TXNRD2: variants seen among roughly 807,000 people sequenced by gnomAD.
The protein encoded by TXNRD2 is thioredoxin reductase 2.
In TXNRD2, 67 loss-of-function variants were observed where a neutral mutation model predicts 70.8. The observed-to-expected ratio is 0.95, with a 90% CI of 0.78 to 1.16. The LOEUF (loss-of-function observed/expected upper bound fraction) is 1.16, where lower values mean the gene tolerates loss of function less well. TXNRD2 is among the 50% of genes most tolerant of loss of function. The pLI, the probability that TXNRD2 is intolerant of heterozygous loss-of-function variation, is 0.00. For missense variants in TXNRD2, 644 were observed against 719.9 expected (o/e 0.89, Z 1.21); for synonymous variants, 301 against 295.8 (o/e 1.02, Z -0.18).
intron 11 of TXNRD2, among the ~76,000 whole-genome samples, chr22:19,888,788 C>A (rs1381032031): frequency 2.0e-5 from 3 of 152,230 alleles, no homozygotes; most frequent in Non-Finnish European, 4.4e-5. Flanking sequence ...TGCCACTTGC[C>A]CCAGTGAGGC....
chr22:19,906,898 GGCGCC>G, intron 8 of TXNRD2, among the ~76,000 whole-genome samples: 1 of 133,470 alleles, frequency 7.5e-6, no homozygotes, highest in Non-Finnish European at 1.6e-5. Context: ...GGAGGGTGTG[GGCGCC>G]GTGGATAGCA....
intron 11 of TXNRD2, among the ~76,000 whole-genome samples, chr22:19,886,686 T>C (rs9606171): frequency 0.098 from 14,922 of 152,326 alleles, 812 homozygotes; most frequent in East Asian, 0.2. Context: ...CATGTTGTGC[T>C]CAGAGCTTTC....
At chr22:19,897,547 G>A (rs1014330794) in intron 10 of TXNRD2, among the ~76,000 whole-genome samples, 10 of 152,132 alleles carry the variant, frequency 6.6e-5, no homozygotes, top group African/African-American at 1.7e-4. Flanking sequence ...TGTACACAGC[G>A]CACCTGTCCA....
At chr22:19,918,038 A>G in intron 5 of TXNRD2, 105 bp downstream of exon 5, 1 of 987,652 alleles carries the variant, frequency 1.0e-6, no homozygotes, top group Non-Finnish European at 1.6e-6. Context: ...GAACCCCCAG[A>G]GCCTGCCAGA....
chr22:19,878,065 G>A (rs747442603), intron 16 of TXNRD2, 25 bp downstream of exon 16: 42 of 1,598,202 alleles, frequency 2.6e-5, no homozygotes, highest in Middle Eastern at 1.6e-4. Flanking sequence ...ACATCGCATC[G>A]CAGCCTGCAT....
chr22:19,920,013 C>CGGCT (rs1940836035), intron 2 of TXNRD2, among the ~76,000 whole-genome samples: 1 of 152,178 alleles, frequency 6.6e-6, no homozygotes, highest in Non-Finnish European at 1.5e-5. Context: ...CCCAGGTAGC[C>CGGCT]ACTCACCGGG....
At chr22:19,883,701 C>A (rs945175634) in intron 11 of TXNRD2, 14 of 533,842 alleles carry the variant, frequency 2.6e-5, no homozygotes, top group Non-Finnish European at 4.7e-5. Context: ...TGCCTATAAT[C>A]CCAACACTTT....
chr22:19,913,592 G>T (rs1377111149), intron 7 of TXNRD2, among the ~76,000 whole-genome samples: 2 of 152,218 alleles, frequency 1.3e-5, no homozygotes, highest in African/African-American at 4.8e-5. Context: ...ACAACAGACT[G>T]CCCAAAAAGC....
chr22:19,901,689 C>G (rs1010861054), intron 8 of TXNRD2, among the ~76,000 whole-genome samples: 8 of 152,216 alleles, frequency 5.3e-5, no homozygotes, highest in African/African-American at 1.9e-4. Context: ...CTCCAGATCA[C>G]AGGGATAGAG....
intron 2 of TXNRD2, among the ~76,000 whole-genome samples, chr22:19,926,066 G>A (rs1433100055): frequency 6.6e-6 from 1 of 151,916 alleles, no homozygotes; most frequent in Non-Finnish European, 1.5e-5. Context: ...AGGAGGCTGA[G>A]GCAGGAGAAT....
Position 19,878,090 on chromosome 22 carries a change from T to A in TXNRD2, c.1445A>T (p.Lys482Met). 6.2e-7 allele frequency: 1 copy of A among 1,613,198 alleles called. No individual in the cohort carries two copies. The highest frequency in any genetic ancestry group is 1.1e-5 in the South Asian group (1 of 91,038). ...EVTQGFALGIKCGASYAQVMR... is the reference protein window; with the variant it reads ...EVTQGFALGIMCGASYAQVMR... Reference sequence around the variant, plus strand: ...GCAGCCTGCATTCCTCGGGACTTACTTGATCCCCAGAGCAAATCCTTGAGT... The same window carrying A: ...GCAGCCTGCATTCCTCGGGACTTACATGATCCCCAGAGCAAATCCTTGAGT... Residue 482 changes from lysine to methionine, a missense_variant and splice_region_variant, in exon 16 of 18, where the codon AAG becomes ATG. Physicochemically the swap from Lys to Met is moderately conservative, Grantham distance 95. This residue lies in a region of TXNRD2 where 566 missense variants were observed against 645.0 expected (regional missense o/e 0.88). Coordinates refer to ENST00000400521, the MANE Select transcript of TXNRD2 (RefSeq NM_006440.5).
chr22:19,923,032 T>C (rs1461975633), intron 2 of TXNRD2, among the ~76,000 whole-genome samples: 1 of 152,164 alleles, frequency 6.6e-6, no homozygotes, highest in East Asian at 1.9e-4. Context: ...TACCTGAAGT[T>C]TGAGTCTCCT....
At chr22:19,912,151 G>T (rs796479499) in intron 7 of TXNRD2, among the ~76,000 whole-genome samples, 18 of 152,300 alleles carry the variant, frequency 1.2e-4, no homozygotes, top group African/African-American at 4.3e-4. Flanking sequence ...CGGCCAAGCA[G>T]GTGGGAGGCC....
intron 7 of TXNRD2, among the ~76,000 whole-genome samples, chr22:19,912,171 C>T (rs1023177969): frequency 7.9e-5 from 12 of 152,110 alleles, no homozygotes; most frequent in South Asian, 4.1e-4. Context: ...CCAGGGTGAA[C>T]GTCCCCTTAG....
chr22:19,927,012 G>C (rs1427424758), intron 2 of TXNRD2, among the ~76,000 whole-genome samples: 3 of 152,010 alleles, frequency 2.0e-5, no homozygotes. Context: ...ATAATCCCTT[G>C]ACCGGGCACA....
intron 11 of TXNRD2, among the ~76,000 whole-genome samples, chr22:19,893,707 G>A (rs1939366093): frequency 6.6e-6 from 1 of 152,272 alleles, no homozygotes; most frequent in African/African-American, 2.4e-5. Context: ...AGACCAGACT[G>A]TGCCCAGCAA....
intron 8 of TXNRD2, among the ~76,000 whole-genome samples, chr22:19,910,265 C>T (rs901011304): frequency 2.6e-5 from 4 of 152,250 alleles, no homozygotes; most frequent in Non-Finnish European, 5.9e-5. Context: ...GAGTGAGAGC[C>T]ACTTGCACGC....
At chr22:19,898,383 C>T (rs971943197) in intron 9 of TXNRD2, among the ~76,000 whole-genome samples, 9 of 152,200 alleles carry the variant, frequency 5.9e-5, no homozygotes, top group South Asian at 2.1e-4. Context: ...GGCTCCAGGG[C>T]GAGGCCTGCA....
At chr22:19,915,913 G>T (rs1940618315) in intron 5 of TXNRD2, 70 bp from the exon 6 acceptor site, 1 of 1,414,430 alleles carries the variant, frequency 7.1e-7, no homozygotes, top group Non-Finnish European at 9.9e-7. Flanking sequence ...GATCAATAGG[G>T]AACACTGGTA....
Sources: allele counts gnomAD v4.1 joint callset (sites outside exome capture counted in the v4.1 genomes callset), GRCh38; gene constraint gnomAD v4.1.1; regional missense constraint gnomAD v4.1.1; transcripts MANE v1.5; gene names NCBI Gene and HGNC (gene_info 2026-07-23, HGNC 2026-07-21).